The following ROBO1 variants were observed in gnomAD, a reference collection of about 807,000 sequenced individuals.
ROBO1 encodes the protein roundabout guidance receptor 1, also known as roundabout homolog 1.
In ROBO1, 149 loss-of-function variants were observed where a neutral mutation model predicts 195.9. The ratio of observed to expected loss-of-function variants is 0.76; its 90% CI spans 0.67 to 0.87. The LOEUF is 0.87. Ranked by LOEUF, ROBO1 falls within the 40% of genes least tolerant of loss-of-function variation. The pLI is 0.00. For synonymous variants in ROBO1, 816 were observed against 733.2 expected, an observed-to-expected ratio of 1.11 and a Z score of -1.82; for missense variants, 1,933 against 2,068.3, an observed-to-expected ratio of 0.93 and a Z score of 1.27.
intron 4 of ROBO1, among the ~76,000 whole-genome samples, chr3:78,854,497 T>G (rs2034287796): frequency 6.6e-6 from 1 of 151,572 alleles, no homozygotes; most frequent in South Asian, 2.1e-4. Flanking sequence ...AAGTAATATT[T>G]TTATGTGTCA....
intron 1 of ROBO1, among the ~76,000 whole-genome samples, chr3:79,711,554 A>G (rs1354551026): frequency 6.6e-6 from 1 of 152,172 alleles, no homozygotes; most frequent in Admixed American, 6.6e-5. Context: ...AAATTCTCAC[A>G]TCTAATCATA....
chr3:79,065,330 T>C (rs2078986851), intron 3 of ROBO1, among the ~76,000 whole-genome samples: 1 of 151,902 alleles, frequency 6.6e-6, no homozygotes, highest in Admixed American at 6.6e-5. Context: ...ACAGGTGTAA[T>C]GTAGAAAAGA....
At chr3:79,166,143 C>G (rs2081058879) in intron 2 of ROBO1, among the ~76,000 whole-genome samples, 1 of 152,194 alleles carries the variant, frequency 6.6e-6, no homozygotes, top group Non-Finnish European at 1.5e-5. Flanking sequence ...CTCTCTTTGA[C>G]TGAACCCTGA....
At chr3:78,728,481 C>T (rs974264841) in intron 5 of ROBO1, among the ~76,000 whole-genome samples, 25 of 150,692 alleles carry the variant, frequency 1.7e-4, no homozygotes, top group African/African-American at 6.1e-4. Flanking sequence ...CCAGATTAGT[C>T]AGCTTTCAAT....
rs1314075453 is a variant in ROBO1 at position 78,711,436 on chromosome 3, TTTCTTTCC to T, written c.1045+2953_1045+2960del. 3.7e-3 allele frequency among the ~76,000 whole-genome samples: 288 copies of T among 77,290 alleles called. 2 individuals are homozygous for T. The highest frequency in any genetic ancestry group is 8.6e-3 in the African/African-American group (189 of 22,018). The allele number at this position is 77,290 out of a possible 152,430, so 50.7% of individuals were successfully genotyped here. The stretch of plus-strand genomic sequence containing the variant: ...CTTTCTTTCTTTCTTTCTTTCTTTC[TTTCTTTCC>T]TTCCTTCCTTCCTTCCTTCCTTTTC... On this transcript the variant is annotated intron_variant, in intron 8 of 30. Transcript: ENST00000464233.
At chr3:78,942,099 AAGACC>A (rs1399304372) in intron 3 of ROBO1, among the ~76,000 whole-genome samples, 1 of 152,100 alleles carries the variant, frequency 6.6e-6, no homozygotes, top group Admixed American at 6.6e-5. Context: ...CTAGGAGTTC[AAGACC>A]AGCCTAGGCA....
At chr3:79,604,045 T>C (rs1250501617) in intron 1 of ROBO1, among the ~76,000 whole-genome samples, 1 of 152,044 alleles carries the variant, frequency 6.6e-6, no homozygotes, top group Non-Finnish European at 1.5e-5. Context: ...TAATAAACAA[T>C]TTCATCTGAA....
intron 3 of ROBO1, among the ~76,000 whole-genome samples, chr3:78,998,227 T>G (rs1294167397): frequency 6.6e-6 from 1 of 152,184 alleles, no homozygotes; most frequent in Admixed American, 6.6e-5. Context: ...CCATTTCCTT[T>G]AATTCTGTCT....
intron 2 of ROBO1, among the ~76,000 whole-genome samples, chr3:79,216,410 A>C (rs556160163): frequency 1.3e-5 from 2 of 152,186 alleles, no homozygotes; most frequent in East Asian, 1.9e-4. Flanking sequence ...GGATTTTCAT[A>C]AAAAATTGGA....
chr3:79,294,173 GCAT>G (rs1295297025), intron 2 of ROBO1, among the ~76,000 whole-genome samples: 1 of 151,820 alleles, frequency 6.6e-6, no homozygotes, highest in Non-Finnish European at 1.5e-5. Context: ...AAAGCTGGAG[GCAT>G]CATGCTACCT....
intron 2 of ROBO1, among the ~76,000 whole-genome samples, chr3:79,167,958 T>C (rs2081098231): frequency 6.6e-6 from 1 of 152,218 alleles, no homozygotes; most frequent in Admixed American, 6.5e-5. Context: ...ATGGTCACTG[T>C]CAGATGATAA....
intron 1 of ROBO1, among the ~76,000 whole-genome samples, chr3:79,713,860 C>T (rs958799796): frequency 1.3e-5 from 2 of 152,082 alleles, no homozygotes; most frequent in Admixed American, 6.6e-5. Context: ...AATCCTTTCC[C>T]CATTGCTTGT....
intron 2 of ROBO1, among the ~76,000 whole-genome samples, chr3:79,574,316 A>G (rs1943376747): frequency 6.6e-6 from 1 of 151,864 alleles, no homozygotes; most frequent in African/African-American, 2.4e-5. Flanking sequence ...ACTTGTCCAC[A>G]TTACTATCTG....
At chr3:79,035,931 T>C (rs1047154597) in intron 3 of ROBO1, among the ~76,000 whole-genome samples, 7 of 152,130 alleles carry the variant, frequency 4.6e-5, no homozygotes, top group Non-Finnish European at 7.4e-5. Context: ...TCTCAAGTTA[T>C]TTAGAGATAT....
intron 2 of ROBO1, among the ~76,000 whole-genome samples, chr3:79,543,578 C>G (rs1456900037): frequency 1.3e-5 from 2 of 152,022 alleles, no homozygotes; most frequent in Non-Finnish European, 2.9e-5. Context: ...TTTAACATGT[C>G]ACTAAATTGA....
intron 1 of ROBO1, among the ~76,000 whole-genome samples, chr3:79,614,560 T>C (rs1419160765): frequency 6.6e-6 from 1 of 152,120 alleles, no homozygotes; most frequent in Non-Finnish European, 1.5e-5. Flanking sequence ...TGTATTTATA[T>C]AGTCTAGCAA....
intron 2 of ROBO1, among the ~76,000 whole-genome samples, chr3:79,566,176 C>CT (rs1408439581): frequency 6.6e-6 from 1 of 152,086 alleles, no homozygotes; most frequent in Non-Finnish European, 1.5e-5. Context: ...AAAGAAAAGT[C>CT]TTTTCTCTTT....
intron 2 of ROBO1, among the ~76,000 whole-genome samples, chr3:79,495,565 A>G (rs968748568): frequency 1.3e-5 from 2 of 152,198 alleles, no homozygotes; most frequent in Non-Finnish European, 2.9e-5. Flanking sequence ...AAATATTTAT[A>G]AAACTAATAT....
intron 2 of ROBO1, among the ~76,000 whole-genome samples, chr3:79,334,518 T>C (rs1342329813): frequency 6.6e-6 from 1 of 151,760 alleles, no homozygotes; most frequent in African/African-American, 2.4e-5. Flanking sequence ...CACCTGGTTA[T>C]AGTAGATGTT....
Sources: allele counts gnomAD v4.1 joint callset (sites outside exome capture counted in the v4.1 genomes callset), GRCh38; gene constraint gnomAD v4.1.1; transcripts MANE v1.5; gene names NCBI Gene and HGNC (gene_info 2026-07-23, HGNC 2026-07-21).